Variants in CELF4 observed in about 807,000 individuals in gnomAD.
The protein encoded by CELF4 is CUG-BP- and ETR-3-like factor 4.
In CELF4, 18 loss-of-function variants were observed where a neutral mutation model predicts 59.9. The observed-to-expected ratio is 0.30, with a 90% CI of 0.21 to 0.45. The LOEUF is 0.45. Among genes scored for constraint, CELF4 ranks in the 20% least tolerant of loss-of-function variants. The pLI is 1.00. For synonymous variants in CELF4, 261 were observed against 267.1 expected (o/e 0.98, Z 0.22); for missense variants, 456 against 689.0 (o/e 0.66, Z 3.79).
rs747116210 is a variant in CELF4, at chr18:37,270,893, G to T, written c.974C>A (p.Thr325Asn). 1 of 1,612,128 alleles carries T rather than the reference G, an allele frequency of 6.2e-7. No individual in the cohort carries two copies. The highest frequency in any genetic ancestry group is 8.5e-7 in the Non-Finnish European group (1 of 1,179,328). ...TGGGATGCTAGGCACGGCTGGTGCA[G>T]TGATGCCCGGAGGGGTGCTGCCACC... Reference protein sequence around the residue: ...TSGGSTPPGITAPAVPSIPSP... With the variant: ...TSGGSTPPGINAPAVPSIPSP... Residue 325 changes from threonine to asparagine, a missense_variant, in exon 8 of 13, where the codon ACT becomes AAT. Physicochemically the swap from Thr to Asn is moderately conservative, Grantham distance 65 (BLOSUM62 0). Around this residue, in one of 7 missense-constraint regions of CELF4, gnomAD observed 256 missense variants for 340.8 expected, o/e 0.75. Coordinates refer to ENST00000420428, the MANE Select transcript of CELF4 (RefSeq NM_020180.4).
At chr18:37,282,520 C>A (rs2094276744) in intron 3 of CELF4, among the ~76,000 whole-genome samples, 1 of 152,222 alleles carries the variant, frequency 6.6e-6, no homozygotes, top group Non-Finnish European at 1.5e-5. Context: ...CACTCCACCC[C>A]AAAACCCAGA....
intron 2 of CELF4, among the ~76,000 whole-genome samples, chr18:37,432,351 A>C (rs1177932028): frequency 6.6e-6 from 1 of 152,174 alleles, no homozygotes; most frequent in African/African-American, 2.4e-5. Context: ...CTGGGCCCAG[A>C]GGGGGAGCTT....
intron 2 of CELF4, among the ~76,000 whole-genome samples, chr18:37,434,591 G>A (rs900630625): frequency 6.6e-6 from 1 of 152,178 alleles, no homozygotes; most frequent in Admixed American, 6.5e-5. Context: ...AGAGCCGGGG[G>A]TTTGCTGTGC....
In CELF4 at chr18:37,333,824, C is replaced by T. The variant is rs146390851; in HGVS notation, c.370-11943G>A. Among the ~76,000 whole-genome samples the T allele has an allele frequency of 2.2e-3, 335 of 152,226 alleles. 2 individuals are homozygous for T. The highest frequency in any genetic ancestry group is 7.8e-3 in the African/African-American group (323 of 41,516). On this transcript the variant is annotated intron_variant, in intron 2 of 12. Coordinates refer to ENST00000420428, the MANE Select transcript of CELF4 (RefSeq NM_020180.4). Reference sequence around the variant, plus strand: ...TCCATCCATCCATGCATCCATCCATCCATCCAGTGTTTACTGAGCACCTCT... The same window carrying T: ...TCCATCCATCCATGCATCCATCCATTCATCCAGTGTTTACTGAGCACCTCT...
At chr18:37,492,060 C>G (rs554791787) in intron 1 of CELF4, among the ~76,000 whole-genome samples, 1 of 152,288 alleles carries the variant, frequency 6.6e-6, no homozygotes, top group African/African-American at 2.4e-5. Context: ...CTGGGTCTTG[C>G]CTTGCTACTA....
intron 3 of CELF4, among the ~76,000 whole-genome samples, chr18:37,276,960 C>T (rs1022833206): frequency 1.3e-5 from 2 of 152,220 alleles, no homozygotes; most frequent in Admixed American, 1.3e-4. Context: ...CTGTGTCCTT[C>T]TGTATTCAAG....
intron 1 of CELF4, among the ~76,000 whole-genome samples, chr18:37,508,645 C>G (rs2099940880): frequency 6.6e-6 from 1 of 152,234 alleles, no homozygotes; most frequent in Non-Finnish European, 1.5e-5. Context: ...GACAGCTGCT[C>G]CCATCACATC....
chr18:37,412,523 T>G (rs1415124916), intron 2 of CELF4, among the ~76,000 whole-genome samples: 3 of 152,024 alleles, frequency 2.0e-5, no homozygotes, highest in African/African-American at 7.3e-5. Context: ...GATGCATGCA[T>G]GCATGTGTGT....
chr18:37,445,673 G>A (rs1287306334), intron 2 of CELF4, among the ~76,000 whole-genome samples: 1 of 152,070 alleles, frequency 6.6e-6, no homozygotes, highest in African/African-American at 2.4e-5. Context: ...AGGGGCAGAG[G>A]GACGGGACAG....
chr18:37,541,744 C>T (rs1302086851), intron 1 of CELF4, among the ~76,000 whole-genome samples: 1 of 151,918 alleles, frequency 6.6e-6, no homozygotes, highest in African/African-American at 2.4e-5. Flanking sequence ...TGCCTCCGGG[C>T]CTTTGCACCT....
intron 2 of CELF4, among the ~76,000 whole-genome samples, chr18:37,479,307 C>A (rs2099859507): frequency 6.6e-6 from 1 of 152,264 alleles, no homozygotes; most frequent in Non-Finnish European, 1.5e-5. Context: ...GGGAGGAACG[C>A]TCTGCCCCAG....
At chr18:37,497,151 C>T (rs2099926118) in intron 1 of CELF4, among the ~76,000 whole-genome samples, 1 of 152,060 alleles carries the variant, frequency 6.6e-6, no homozygotes, top group Non-Finnish European at 1.5e-5. Flanking sequence ...TCCCAGAGAA[C>T]CACCCACATG....
At chr18:37,447,926 C>G (rs1268528424) in intron 2 of CELF4, among the ~76,000 whole-genome samples, 1 of 152,202 alleles carries the variant, frequency 6.6e-6, no homozygotes, top group Non-Finnish European at 1.5e-5. Context: ...GCACCTCCAC[C>G]TCTCCTCCGG....
chr18:37,253,913 G>T lies in CELF4; in HGVS notation c.1359C>A (p.Ala453=), dbSNP rs1271328196. ...PFGFVSFDNP[A]SAQTAIQAMN... is the part of the protein sequence containing the mutation. The stretch of plus-strand genomic sequence containing the variant: ...TGGCCTGGATGGCGGTCTGCGCGCT[G>T]GCCGGGTTGTCGAAGCTCACGAAGC... Residue 453 remains alanine (A), a synonymous_variant, in exon 12 of 13, where the codon GCC becomes GCA. Transcript: ENST00000420428. The surrounding 1 kb of genome is among the most constrained non-coding windows in gnomAD (Gnocchi z 4.5). The T allele has an allele frequency of 3.1e-6, 5 of 1,607,602 alleles. No individual in the cohort carries two copies. In the South Asian group the frequency reaches 5.5e-5, roughly 18 times the overall value.
chr18:37,533,594 G>A (rs916253098), intron 1 of CELF4, among the ~76,000 whole-genome samples: 4 of 152,212 alleles, frequency 2.6e-5, no homozygotes, highest in African/African-American at 9.6e-5. Flanking sequence ...TTTCTAAAAG[G>A]ATCCCTTATA....
intron 2 of CELF4, among the ~76,000 whole-genome samples, chr18:37,327,778 C>T (rs533629654): frequency 1.2e-3 from 182 of 152,300 alleles, no homozygotes; most frequent in African/African-American, 4.3e-3. Flanking sequence ...TCTTGTCCAC[C>T]TCTGTGCCCT....
intron 2 of CELF4, among the ~76,000 whole-genome samples, chr18:37,345,425 C>T (rs1038905525): frequency 6.6e-6 from 1 of 152,124 alleles, no homozygotes. Flanking sequence ...GCACAGCCAG[C>T]CTCTCTGTGA....
rs115585239 is a variant in CELF4, at chr18:37,322,917, C to T, written c.370-1036G>A. On this transcript the variant is annotated intron_variant, in intron 2 of 12. Transcript: ENST00000420428. ...GCTGAGGCCAAGAGGCATTCAGGTG[C>T]TTCCCAAGGCCACCACGTGGCAGGA... Among the ~76,000 whole-genome samples, 935 of 152,318 alleles carry T rather than the reference C, an allele frequency of 6.1e-3. 5 individuals are homozygous for T. Among genetic ancestry groups the T allele is most frequent in the African/African-American group, 0.022 (906 of 41,574 alleles).
intron 2 of CELF4, among the ~76,000 whole-genome samples, chr18:37,402,315 T>C (rs1318284354): frequency 6.6e-6 from 1 of 152,206 alleles, no homozygotes; most frequent in African/African-American, 2.4e-5. Context: ...GAAGAGGCAT[T>C]GGGGCCCCAA....
Sources: allele counts gnomAD v4.1 joint callset (sites outside exome capture counted in the v4.1 genomes callset), GRCh38; gene constraint gnomAD v4.1.1; regional missense constraint gnomAD v4.1.1; non-coding constraint Gnocchi (gnomAD v3.1); transcripts MANE v1.5; gene names NCBI Gene and HGNC (gene_info 2026-07-23, HGNC 2026-07-21).